ERCC6L2: variants seen among roughly 807,000 people sequenced by gnomAD.
ERCC6L2 encodes the protein DNA excision repair protein ERCC-6-like 2.
Under a neutral mutation model 132.0 loss-of-function variants are expected in ERCC6L2, and 77 were observed. The observed-to-expected ratio is 0.58, with a 90% CI of 0.49 to 0.71. The LOEUF (loss-of-function observed/expected upper bound fraction) is 0.71. Ranked by LOEUF, ERCC6L2 falls within the 30% of genes least tolerant of loss-of-function variation. ERCC6L2 has a pLI of 0.00. For synonymous variants in ERCC6L2, 583 were observed against 632.4 expected (o/e 0.92, Z 1.17); for missense variants, 1,542 against 1,837.6 (o/e 0.84, Z 2.94).
intron 18 of ERCC6L2, among the ~76,000 whole-genome samples, chr9:96,010,534 C>T (rs1265560108): frequency 3.9e-5 from 6 of 152,190 alleles, no homozygotes; most frequent in Admixed American, 3.3e-4. Context: ...TGCAGTTTCT[C>T]CTGCCCCTCT....
intron 12 of ERCC6L2, chr9:95,954,886 A>G (rs759575216): frequency 6.4e-5 from 30 of 471,062 alleles, no homozygotes; most frequent in South Asian, 4.6e-4. Flanking sequence ...AGGATCCAAG[A>G]TGTCCTCGAG....
In ERCC6L2 at chr9:96,008,712, A is replaced by G. The variant is rs1833937855; in HGVS notation, c.3675-3513A>G. Among the ~76,000 whole-genome samples the G allele has an allele frequency of 2.0e-5, 3 of 152,220 alleles. No individual in the cohort carries two copies. In the South Asian group the frequency reaches 6.2e-4, roughly 32 times the overall value. On this transcript the variant is annotated intron_variant, in intron 18 of 18. Coordinates refer to ENST00000653738, the MANE Select transcript of ERCC6L2 (RefSeq NM_020207.7). ...TTATGAAGGCACACCCAGTGACCCCAAGGTTAGGGTCGGTACCAAGTTGAA... is the reference window on the plus strand; with the variant it reads ...TTATGAAGGCACACCCAGTGACCCCGAGGTTAGGGTCGGTACCAAGTTGAA...
chr9:95,976,525 G>A (rs191656800), intron 16 of ERCC6L2, among the ~76,000 whole-genome samples: 61 of 152,288 alleles, frequency 4.0e-4, no homozygotes, highest in African/African-American at 1.4e-3. Flanking sequence ...CTGTTCTTAG[G>A]TCTGTCAGGT....
chr9:95,924,588 A>G, intron 9 of ERCC6L2, among the ~76,000 whole-genome samples: 1 of 152,100 alleles, frequency 6.6e-6, no homozygotes, highest in East Asian at 1.9e-4. Flanking sequence ...TGCATTAGTC[A>G]TTGCTACTCA....
chr9:95,879,430 T>C (rs1827473298), intron 1 of ERCC6L2, among the ~76,000 whole-genome samples: 1 of 152,216 alleles, frequency 6.6e-6, no homozygotes, highest in Non-Finnish European at 1.5e-5. Context: ...GGCAAACACA[T>C]AATGGGAAAT....
At chr9:95,894,021 T>C (rs1340937344) in intron 2 of ERCC6L2, among the ~76,000 whole-genome samples, 1 of 152,178 alleles carries the variant, frequency 6.6e-6, no homozygotes, top group East Asian at 1.9e-4. Flanking sequence ...GTTGAAAATA[T>C]TATAAGTTGA....
chr9:95,878,799 T>C (rs1827433971), intron 1 of ERCC6L2, among the ~76,000 whole-genome samples: 1 of 151,772 alleles, frequency 6.6e-6, no homozygotes, highest in African/African-American at 2.4e-5. Flanking sequence ...GAATGATGAT[T>C]TCCAGTTTCA....
intron 9 of ERCC6L2, 63 bp from the exon 10 acceptor site, chr9:95,928,016 T>C (rs370228752): frequency 9.6e-7 from 1 of 1,046,596 alleles, no homozygotes; most frequent in African/African-American, 1.6e-5. Context: ...AAGTGATGTT[T>C]ATATGTATAA....
At chr9:96,025,973 C>T (rs886789794) in intron 19 of ERCC6L2, 11 of 152,182 alleles carry the variant, frequency 7.2e-5, no homozygotes, top group African/African-American at 2.2e-4. Context: ...GATATGGTGA[C>T]TGATAGAAGC....
chr9:95,930,156 T>G lies in ERCC6L2; in HGVS notation c.1751+1292T>G, dbSNP rs571628843. ...ATAGTTTCTTCATGTTTGGTCATTT[T>G]TTTTCTTTTGAGCTTATCTTCAATG... On this transcript the variant is annotated intron_variant, in intron 11 of 18. Transcript: ENST00000653738. 4.6e-5 allele frequency among the ~76,000 whole-genome samples: 7 copies of G among 152,198 alleles called. No homozygotes were observed. The East Asian group carries it at 1.4e-3, about 29-fold the overall frequency.
chr9:95,895,180 T>G (rs545360147), intron 2 of ERCC6L2, among the ~76,000 whole-genome samples: 1 of 152,190 alleles, frequency 6.6e-6, no homozygotes, highest in East Asian at 1.9e-4. Context: ...AATATTAAGT[T>G]AAAGTGTGCC....
At chr9:95,887,029 A>G (rs540775743) in intron 2 of ERCC6L2, among the ~76,000 whole-genome samples, 4 of 152,330 alleles carry the variant, frequency 2.6e-5, no homozygotes, top group Non-Finnish European at 5.9e-5. Flanking sequence ...CAGACATGCT[A>G]TTGTGGCACT....
intron 18 of ERCC6L2, among the ~76,000 whole-genome samples, chr9:96,010,699 G>A (rs1301326210): frequency 3.9e-5 from 6 of 152,132 alleles, no homozygotes; most frequent in African/African-American, 1.2e-4. Context: ...CCCTTTCTAT[G>A]AATGCCAGTA....
chr9:96,033,355 C>T (rs1379132969), intron 19 of ERCC6L2, among the ~76,000 whole-genome samples: 4 of 151,970 alleles, frequency 2.6e-5, no homozygotes, highest in African/African-American at 7.3e-5. Context: ...AAGTGATTCT[C>T]ATGCTTCAGC....
chr9:95,876,470 T>C (rs1367526271), intron 1 of ERCC6L2: 2 of 186,806 alleles, frequency 1.1e-5, no homozygotes, highest in African/African-American at 4.7e-5. Flanking sequence ...TCTTTATTCT[T>C]GTATGCCCCA....
chr9:95,914,921 T>C (rs576917003), intron 4 of ERCC6L2, among the ~76,000 whole-genome samples: 1 of 152,284 alleles, frequency 6.6e-6, no homozygotes, highest in Non-Finnish European at 1.5e-5. Context: ...TGTGATCTGT[T>C]TTTAGTTAAT....
At chr9:95,879,632 A>T (rs1228671101) in intron 1 of ERCC6L2, among the ~76,000 whole-genome samples, 1 of 152,210 alleles carries the variant, frequency 6.6e-6, no homozygotes, top group Non-Finnish European at 1.5e-5. Flanking sequence ...CAGAGAGTAG[A>T]GTGGGAGAGA....
At chr9:96,011,948 C>T (rs1226428604) in intron 18 of ERCC6L2, among the ~76,000 whole-genome samples, 1 of 152,222 alleles carries the variant, frequency 6.6e-6, no homozygotes, top group East Asian at 1.9e-4. Flanking sequence ...CATGCTGGGC[C>T]TCCATAATTC....
chr9:95,931,095 T>G (rs2132810299), intron 11 of ERCC6L2, among the ~76,000 whole-genome samples: 1 of 152,352 alleles, frequency 6.6e-6, no homozygotes, highest in East Asian at 1.9e-4. Flanking sequence ...TCACGACCTT[T>G]TGGTCAATGC....
Sources: allele counts gnomAD v4.1 joint callset (sites outside exome capture counted in the v4.1 genomes callset), GRCh38; gene constraint gnomAD v4.1.1; transcripts MANE v1.5; gene names NCBI Gene and HGNC (gene_info 2026-07-23, HGNC 2026-07-21).